Variants in FBXO21 observed in about 807,000 individuals in gnomAD.
FBXO21 encodes F-box protein 21.
In FBXO21, 32 loss-of-function variants were observed where a neutral mutation model predicts 76.6. That is an observed-to-expected ratio of 0.42 (90% confidence interval 0.32 to 0.56). The LOEUF (loss-of-function observed/expected upper bound fraction) is 0.56, where lower values mean the gene tolerates loss of function less well. Among genes scored for constraint, FBXO21 ranks in the 20% least tolerant of loss-of-function variants. FBXO21 has a pLI of 0.16. For synonymous variants in FBXO21, 328 were observed against 311.5 expected, an observed-to-expected ratio of 1.05 and a Z score of -0.56; for missense variants, 586 against 797.3, an observed-to-expected ratio of 0.73 and a Z score of 3.19.
In FBXO21 at chr12:117,165,596, G is replaced by A. The variant is rs1956045183; in HGVS notation, c.1215C>T (p.Tyr405=). Residue 405 remains tyrosine, a synonymous_variant, in exon 9 of 12, where the codon TAC becomes TAT. Coordinates refer to ENST00000622495, the MANE Select transcript of FBXO21 (RefSeq NM_015002.3). ...GATCCAGCGAGTCTCTCAGGAGCTGGTATGACTGGTCGATGCCTTCCCTAG... is the reference window on the plus strand; with the variant it reads ...GATCCAGCGAGTCTCTCAGGAGCTGATATGACTGGTCGATGCCTTCCCTAG... ...LGKREGIDQS[Y]QLLRDSLDLY... 1 of 1,611,846 alleles carries A rather than the reference G, an allele frequency of 6.2e-7. No individual in the cohort carries two copies. The highest frequency in any genetic ancestry group is 8.5e-7 in the Non-Finnish European group (1 of 1,178,476).
At chr12:117,189,198 A>C (rs1222055625) in intron 2 of FBXO21, 29 bp downstream of exon 2, 1 of 1,614,126 alleles carries the variant, frequency 6.2e-7, no homozygotes, top group Admixed American at 1.7e-5. Flanking sequence ...AGCAAGCCAA[A>C]GCTTAGAGCC....
At chr12:117,169,291 A>G (rs912170590) in intron 7 of FBXO21, among the ~76,000 whole-genome samples, 3 of 152,162 alleles carry the variant, frequency 2.0e-5, no homozygotes, top group Non-Finnish European at 2.9e-5. Context: ...ATGGACCCAG[A>G]GTGGAACAAT....
At position 117,146,082 on chromosome 12, in the gene FBXO21, A is replaced by G. The variant is rs768635405; in HGVS notation, c.*5T>C. 1 of 1,584,698 alleles carries G rather than the reference A, an allele frequency of 6.3e-7. No individual in the cohort carries two copies. The highest frequency in any genetic ancestry group is 1.4e-5 in the African/African-American group (1 of 73,728). ...GCAGCAAAGGTGCAATGTCCTCTCT[A>G]GACTTTACTCATCTATGTTCTCTTT... On this transcript the variant is annotated 3_prime_UTR_variant, in exon 12 of 12. Transcript: ENST00000622495.
intron 10 of FBXO21, 51 bp from the exon 11 acceptor site, chr12:117,155,999 C>T (rs779899510): frequency 1.3e-6 from 2 of 1,582,920 alleles, no homozygotes; most frequent in South Asian, 2.2e-5. Flanking sequence ...GCCGCAACAA[C>T]CTCCAGACAA....
At chr12:117,171,453 G>A (rs1205029455) in intron 7 of FBXO21, among the ~76,000 whole-genome samples, 6 of 152,004 alleles carry the variant, frequency 3.9e-5, no homozygotes, top group African/African-American at 1.2e-4. Context: ...GTACCTGGGA[G>A]GCTTCAACTA....
At chr12:117,180,791 A>ATT (rs571998704) in intron 3 of FBXO21, among the ~76,000 whole-genome samples, 1 of 145,326 alleles carries the variant, frequency 6.9e-6, no homozygotes. Context: ...CACCAAGCTA[A>ATT]TTTTTTTTTT....
At chr12:117,160,385 C>T (rs1048185070) in intron 9 of FBXO21, among the ~76,000 whole-genome samples, 4 of 152,116 alleles carry the variant, frequency 2.6e-5, no homozygotes, top group African/African-American at 7.2e-5. Context: ...TCTATGGATC[C>T]GCTACTTCTG....
intron 3 of FBXO21, among the ~76,000 whole-genome samples, chr12:117,183,676 T>A (rs1019485058): frequency 2.6e-5 from 4 of 152,244 alleles, no homozygotes; most frequent in African/African-American, 9.6e-5. Context: ...ATCTCTTGAG[T>A]TCTACTGACT....
chr12:117,147,504 C>T (rs1321060293), intron 11 of FBXO21, among the ~76,000 whole-genome samples: 1 of 134,138 alleles, frequency 7.5e-6, no homozygotes, highest in East Asian at 2.2e-4. Context: ...GAGGCTGAGG[C>T]AGAGAACTGC....
At chr12:117,163,937 C>T (rs1956016839) in intron 9 of FBXO21, among the ~76,000 whole-genome samples, 1 of 151,098 alleles carries the variant, frequency 6.6e-6, no homozygotes, top group South Asian at 2.1e-4. Flanking sequence ...GAGCAAGACT[C>T]CATTTCAAAA....
intron 4 of FBXO21, 116 bp downstream of exon 4, chr12:117,177,404 A>C (rs1267411545): frequency 1.9e-6 from 2 of 1,051,380 alleles, no homozygotes; most frequent in Admixed American, 4.7e-5. Context: ...CCCACGCAAC[A>C]TGATTTGCTT....
intron 6 of FBXO21, 27 bp downstream of exon 6, chr12:117,174,178 C>T (rs755963973): frequency 6.4e-6 from 10 of 1,559,452 alleles, no homozygotes; most frequent in Non-Finnish European, 8.8e-6. Flanking sequence ...TATTACTATA[C>T]CCATATATTA....
chr12:117,160,610 C>A (rs1056743756), intron 9 of FBXO21, among the ~76,000 whole-genome samples: 7 of 152,136 alleles, frequency 4.6e-5, no homozygotes, highest in African/African-American at 1.7e-4. Flanking sequence ...CTTCTTTATT[C>A]ATATCTAATG....
chr12:117,174,598 A>G, intron 5 of FBXO21, 53 bp downstream of exon 5: 4 of 1,580,660 alleles, frequency 2.5e-6, no homozygotes, highest in African/African-American at 2.7e-5. Flanking sequence ...AAATTAACCA[A>G]TTCCTCTAGA....
chr12:117,147,809 T>C (rs1369137152), intron 11 of FBXO21, among the ~76,000 whole-genome samples: 1 of 152,154 alleles, frequency 6.6e-6, no homozygotes, highest in African/African-American at 2.4e-5. Context: ...CTCCATGACC[T>C]GACACCGGAA....
intron 11 of FBXO21, among the ~76,000 whole-genome samples, chr12:117,148,372 C>T (rs955131912): frequency 4.6e-5 from 7 of 152,180 alleles, no homozygotes; most frequent in Non-Finnish European, 1.0e-4. Flanking sequence ...GCAGTGTAAA[C>T]GTCCAAGTGT....
At chr12:117,176,798 T>C (rs1197970262) in intron 4 of FBXO21, among the ~76,000 whole-genome samples, 1 of 151,480 alleles carries the variant, frequency 6.6e-6, no homozygotes, top group Non-Finnish European at 1.5e-5. Flanking sequence ...AAAAAAGGAA[T>C]AGTAACAGAA....
chr12:117,164,311 C>G (rs1432787333), intron 9 of FBXO21, among the ~76,000 whole-genome samples: 1 of 138,750 alleles, frequency 7.2e-6, no homozygotes, highest in Non-Finnish European at 1.5e-5. Flanking sequence ...GAGTCTTGCT[C>G]TGTTGCACTG....
chr12:117,174,040 G>A (rs1218973236), intron 6 of FBXO21, among the ~76,000 whole-genome samples, 165 bp downstream of exon 6: 2 of 152,036 alleles, frequency 1.3e-5, no homozygotes, highest in African/African-American at 2.4e-5. Context: ...AGGAGGGTGC[G>A]GCGGCAAGAT....
Sources: gnomAD v4.1 joint callset for allele counts (sites outside exome capture counted in the v4.1 genomes callset) on GRCh38, gnomAD v4.1.1 for gene constraint, MANE v1.5 for transcripts, NCBI Gene and HGNC (gene_info 2026-07-23, HGNC 2026-07-21) for gene names.